The following NLRP11 variants were observed in gnomAD, a reference collection of about 807,000 sequenced individuals.
NLRP11 encodes the protein NACHT, LRR and PYD domains-containing protein 11.
Under a neutral mutation model 79.3 loss-of-function variants are expected in NLRP11, and 53 were observed. The observed-to-expected ratio is 0.67, with a 90% CI of 0.54 to 0.84. The LOEUF (loss-of-function observed/expected upper bound fraction) is 0.84. Ranked by LOEUF, NLRP11 falls within the 40% of genes least tolerant of loss-of-function variation. The pLI is 0.00. For synonymous variants in NLRP11, 518 were observed against 462.6 expected, an observed-to-expected ratio of 1.12 and a Z score of -1.54; for missense variants, 1,264 against 1,255.0, an observed-to-expected ratio of 1.01 and a Z score of -0.11.
intron 1 of NLRP11, among the ~76,000 whole-genome samples, chr19:55,820,695 GA>G (rs1004436081): frequency 6.6e-6 from 1 of 151,930 alleles, no homozygotes; most frequent in African/African-American, 2.4e-5. Flanking sequence ...TCTTAACTCA[GA>G]AAAAAAGTCA....
upstream of NLRP11, among the ~76,000 whole-genome samples, chr19:55,833,193 C>G (rs992347456): frequency 3.0e-4 from 45 of 152,076 alleles, no homozygotes; most frequent in African/African-American, 1.1e-3. Flanking sequence ...TTGCCATATA[C>G]AAAATCCTTA....
intron 1 of NLRP11, 118 bp from the exon 2 acceptor site, chr19:55,818,354 C>A: frequency 1.7e-6 from 1 of 597,984 alleles, no homozygotes; most frequent in Non-Finnish European, 2.9e-6. Flanking sequence ...AGGCCATCAA[C>A]GATAAGTCTG....
At chr19:55,798,771 G>A (rs1024664424) in intron 5 of NLRP11, among the ~76,000 whole-genome samples, 2 of 151,258 alleles carry the variant, frequency 1.3e-5, no homozygotes, top group Non-Finnish European at 2.9e-5. Context: ...CACACACACC[G>A]GAAAACAAAA....
chr19:55,803,216 G>A (rs577044155), intron 4 of NLRP11, among the ~76,000 whole-genome samples: 9 of 152,090 alleles, frequency 5.9e-5, no homozygotes, highest in African/African-American at 9.6e-5. Flanking sequence ...GCGTGGTGGC[G>A]GGTGCCTGTA....
rs148450742 is a variant in NLRP11, at chr19:55,816,171, CAT to C, written c.271+1731_271+1732del. ...AGATCTACTGTTCACCTATAAGACA[CAT>C]AGACTGAAAATAAGAGGGAGATATT... On this transcript the variant is annotated intron_variant, in intron 2 of 9. Transcript: ENST00000589093. 4.1e-3 allele frequency among the ~76,000 whole-genome samples: 623 copies of C among 152,266 alleles called. 6 individuals carry two copies. Among genetic ancestry groups the C allele is most frequent in the African/African-American group, 0.014 (589 of 41,554 alleles).
intron 1 of NLRP11, among the ~76,000 whole-genome samples, chr19:55,818,465 A>G (rs941226855): frequency 6.6e-6 from 1 of 152,216 alleles, no homozygotes; most frequent in Non-Finnish European, 1.5e-5. Flanking sequence ...CAACATTCTT[A>G]TGGTAAAAGT....
chr19:55,788,943 G>C, exon 9 of NLRP11: 10 of 1,613,826 alleles, frequency 6.2e-6, no homozygotes, highest in African/African-American at 1.3e-5. Flanking sequence ...GCAAGAGATC[G>C]ACAGCAGGCA....
intron 2 of NLRP11, among the ~76,000 whole-genome samples, chr19:55,811,358 C>T (rs1049303337): frequency 6.6e-6 from 1 of 152,160 alleles, no homozygotes; most frequent in Admixed American, 6.5e-5. Flanking sequence ...ATGACTCCTT[C>T]CTTAGTGAGC....
In NLRP11 at chr19:55,796,186, C is replaced by T. The variant is rs142981826; in HGVS notation, c.2236G>A (p.Gly746Arg). Residue 746 changes from glycine to arginine, a missense_variant, in exon 6 of 10, where the codon GGG becomes AGG. Transcript: ENST00000589093. Reference sequence around the variant, plus strand: ...GATAAGGTCAGTTTTCTCAGACTCCCGCCACTGATGAGGAGAGAGGCGATT... The same window carrying T: ...GATAAGGTCAGTTTTCTCAGACTCCTGCCACTGATGAGGAGAGAGGCGATT... The T allele has an allele frequency of 7.6e-5, 122 of 1,613,906 alleles. No individual in the cohort carries two copies. Among genetic ancestry groups the T allele is most frequent in the East Asian group, 6.7e-5 (3 of 44,892 alleles).
At chr19:55,786,395 C>T (rs566103981) in intron 9 of NLRP11, among the ~76,000 whole-genome samples, 16 of 152,162 alleles carry the variant, frequency 1.1e-4, no homozygotes, top group South Asian at 6.2e-4. Flanking sequence ...TGTGGTGGTG[C>T]GTGCCTGTGG....
chr19:55,812,137 T>C (rs985749677), intron 2 of NLRP11, among the ~76,000 whole-genome samples: 1 of 152,050 alleles, frequency 6.6e-6, no homozygotes, highest in Non-Finnish European at 1.5e-5. Context: ...AAAAAATGAA[T>C]AGAAGCATAT....
At chr19:55,829,221 C>T (rs1295052381) in intron 1 of NLRP11, among the ~76,000 whole-genome samples, 1 of 149,362 alleles carries the variant, frequency 6.7e-6, no homozygotes, top group Non-Finnish European at 1.5e-5. Context: ...TTTTGAGGAA[C>T]CTATGAAGCA....
chr19:55,834,953 A>C (rs190864902), upstream of NLRP11, among the ~76,000 whole-genome samples: 1 of 152,290 alleles, frequency 6.6e-6, no homozygotes. Context: ...GAAGGGAATG[A>C]AGTTCACTTC....
At chr19:55,831,163 A>G (rs1027534909) in intron 1 of NLRP11, among the ~76,000 whole-genome samples, 22 of 104,444 alleles carry the variant, frequency 2.1e-4, no homozygotes, top group Non-Finnish European at 2.4e-4. Context: ...CCTGGCCAAG[A>G]TACTTGAAAA....
At chr19:55,785,710 G>A in exon 10 of NLRP11, 1 of 1,613,962 alleles carries the variant, frequency 6.2e-7, no homozygotes, top group Non-Finnish European at 8.5e-7. Flanking sequence ...ATCCAAATTA[G>A]AATTAGGTAT....
rs557302789 is a variant in NLRP11 at position 55,830,987 on chromosome 19, T to C, written c.-63+976A>G. Among the ~76,000 whole-genome samples the C allele has an allele frequency of 1.7e-4, 26 of 152,200 alleles. No homozygotes were observed. In the South Asian group the frequency reaches 4.4e-3, roughly 26 times the overall value. ...AAATACAGACACTGATTAGAGACTTTGGAGGTTGGGCCCAGGAACCAGTAT... is the reference window on the plus strand; with the variant it reads ...AAATACAGACACTGATTAGAGACTTCGGAGGTTGGGCCCAGGAACCAGTAT... On this transcript the variant is annotated intron_variant, in intron 1 of 9. Transcript: ENST00000589093.
intron 1 of NLRP11, among the ~76,000 whole-genome samples, chr19:55,821,244 CA>C (rs1162563134): frequency 1.4e-4 from 17 of 122,952 alleles, no homozygotes; most frequent in African/African-American, 4.9e-4. Flanking sequence ...CACACACACA[CA>C]CACACCCCAA....
chr19:55,807,853 T>C, exon 4 of NLRP11: 1 of 1,606,032 alleles, frequency 6.2e-7, no homozygotes, highest in East Asian at 2.2e-5. Flanking sequence ...TAGTACTTAC[T>C]TGAGTGTGCG....
rs562764024 is a variant in NLRP11 at position 55,827,851 on chromosome 19, A to G, written c.-63+4112T>C. ...AAGTAGTTCATCCATTGTGGAAGTCAGTGTGGCGATTCCTCAGGGATCTAG... is the reference window on the plus strand; with the variant it reads ...AAGTAGTTCATCCATTGTGGAAGTCGGTGTGGCGATTCCTCAGGGATCTAG... On this transcript the variant is annotated intron_variant, in intron 1 of 9. Transcript: ENST00000589093. 7.3e-5 allele frequency among the ~76,000 whole-genome samples: 11 copies of G among 150,976 alleles called. No individual in the cohort carries two copies. The East Asian group carries it at 1.2e-3, about 16-fold the overall frequency.
Sources: allele counts gnomAD v4.1 joint callset (sites outside exome capture counted in the v4.1 genomes callset), GRCh38; gene constraint gnomAD v4.1.1; transcripts MANE v1.5; gene names NCBI Gene and HGNC (gene_info 2026-07-23, HGNC 2026-07-21).